The following PLA2G4D variants were observed in gnomAD, a reference collection of about 807,000 sequenced individuals.
PLA2G4D encodes the protein phospholipase A2 group IVD.
PLA2G4D carries 80 observed loss-of-function variants against 94.4 expected under a neutral mutation model. That is an observed-to-expected ratio of 0.85 (90% CI 0.71 to 1.02). The LOEUF (loss-of-function observed/expected upper bound fraction) is 1.02, where lower values mean the gene tolerates loss of function less well. Ranked by LOEUF, PLA2G4D falls within the 50% of genes least tolerant of loss-of-function variation. The pLI, the probability that PLA2G4D is intolerant of heterozygous loss-of-function variation, is 0.00. For missense variants in PLA2G4D, 1,050 were observed against 1,034.7 expected (o/e 1.01, Z -0.20); for synonymous variants, 438 against 440.9 (o/e 0.99, Z 0.08).
At chr15:42,074,213 C>A (rs970566525) in intron 13 of PLA2G4D, among the ~76,000 whole-genome samples, 1 of 152,232 alleles carries the variant, frequency 6.6e-6, no homozygotes, top group African/African-American at 2.4e-5. Flanking sequence ...TGAAACCCAC[C>A]CGGTATATCT....
At chr15:42,081,865 C>A (rs778982845) in intron 9 of PLA2G4D, 31 bp from the exon 10 acceptor site, 6 of 1,613,790 alleles carry the variant, frequency 3.7e-6, no homozygotes, top group Non-Finnish European at 5.1e-6. Flanking sequence ...TCTGCTCAGA[C>A]CCTCCTAGAC....
chr15:42,074,984 G>C (rs1355130737), intron 13 of PLA2G4D, among the ~76,000 whole-genome samples: 2 of 152,088 alleles, frequency 1.3e-5, no homozygotes, highest in African/African-American at 4.8e-5. Flanking sequence ...AATGCAGTGG[G>C]GTGATTACAA....
rs1254327941 is a variant in PLA2G4D, at chr15:42,079,724, G to A, written c.1130C>T (p.Ser377Leu). The A allele has an allele frequency of 1.9e-6, 3 of 1,607,756 alleles. No homozygotes were observed. The highest frequency in any genetic ancestry group is 1.7e-5 in the Admixed American group (1 of 58,644). The part of the protein sequence containing the change: ...MAHLYGDPEW[S>L]QRDLEGPIRY... ...GATAGGTCCCTCCAGGTCCCTCTGC[G>A]ACCACTCAGGGTCCCCGTACAGGTG... The change falls in exon 13 of 20, where the codon TCG (serine) becomes TTG (leucine). Residue 377 changes from serine (S) to leucine (L), a missense_variant. Coordinates refer to ENST00000290472, the MANE Select transcript of PLA2G4D (RefSeq NM_178034.4).
intron 15 of PLA2G4D, 107 bp downstream of exon 15, chr15:42,071,667 C>T: frequency 7.7e-7 from 1 of 1,301,040 alleles, no homozygotes; most frequent in Non-Finnish European, 1.1e-6. Flanking sequence ...CCCCCCGCCA[C>T]CCCTCCCCCT....
Position 42,084,477 on chromosome 15 carries a change from G to A in PLA2G4D, c.471+619C>T, listed in dbSNP as rs1890101706. ...TAAATGCTGGGCTCTAGGTGCCTTCGCCCGTGACCCTGGACCCGCCTGCTC... is the reference window on the plus strand; with the variant it reads ...TAAATGCTGGGCTCTAGGTGCCTTCACCCGTGACCCTGGACCCGCCTGCTC... On this transcript the variant is annotated intron_variant, in intron 6 of 19. Coordinates refer to ENST00000290472, the MANE Select transcript of PLA2G4D (RefSeq NM_178034.4). This position sits in a 1 kb window ranked among gnomAD's most constrained non-coding sequence, Gnocchi z 4.8. 6.6e-6 allele frequency among the ~76,000 whole-genome samples: 1 copy of A among 152,168 alleles called. No individual in the cohort carries two copies. The highest frequency in any genetic ancestry group is 2.1e-4 in the South Asian group (1 of 4,834).
intron 13 of PLA2G4D, among the ~76,000 whole-genome samples, chr15:42,073,175 G>T (rs1668576): frequency 0.3 from 45,486 of 151,850 alleles, 6,991 homozygotes; most frequent in South Asian, 0.38. Flanking sequence ...ATTTTTGCAT[G>T]TTTTGTAGAG....
At chr15:42,085,462 C>A (rs1890123314) in intron 5 of PLA2G4D, 29 bp downstream of exon 5, 1 of 1,613,252 alleles carries the variant, frequency 6.2e-7, no homozygotes, top group Non-Finnish European at 8.5e-7. Context: ...AGTCCTGAGA[C>A]ACTCCCTGGG....
At chr15:42,089,072 A>G (rs955514655) in intron 1 of PLA2G4D, among the ~76,000 whole-genome samples, 8 of 152,178 alleles carry the variant, frequency 5.3e-5, no homozygotes, top group Non-Finnish European at 1.0e-4. Context: ...CTCAGACCCT[A>G]TGTCCCTTCA....
intron 13 of PLA2G4D, among the ~76,000 whole-genome samples, chr15:42,072,893 C>T (rs924249459): frequency 1.5e-4 from 23 of 152,182 alleles, no homozygotes; most frequent in Admixed American, 5.9e-4. Context: ...CCTTGCCTCC[C>T]CCTCATCGTC....
In PLA2G4D at chr15:42,079,726, C is replaced by G. The variant is rs147588006; in HGVS notation, c.1128G>C (p.Trp376Cys). Residue 376 changes from tryptophan to cysteine, a missense_variant, in exon 13 of 20, where the codon TGG (tryptophan) becomes TGC (cysteine). By Grantham distance (215) the Trp-to-Cys change is radical. Coordinates refer to ENST00000290472, the MANE Select transcript of PLA2G4D (RefSeq NM_178034.4). The stretch of plus-strand genomic sequence containing the variant: ...TAGGTCCCTCCAGGTCCCTCTGCGA[C>G]CACTCAGGGTCCCCGTACAGGTGGG... Reference protein sequence around the residue: ...TMAHLYGDPEWSQRDLEGPIR... With the variant: ...TMAHLYGDPECSQRDLEGPIR... The G allele has an allele frequency of 6.8e-5, 109 of 1,607,534 alleles. No individual in the cohort carries two copies. The highest frequency in any genetic ancestry group is 9.2e-5 in the Non-Finnish European group (108 of 1,177,754).
intron 13 of PLA2G4D, among the ~76,000 whole-genome samples, chr15:42,078,818 T>A (rs1276733263): frequency 6.6e-6 from 1 of 151,946 alleles, no homozygotes; most frequent in East Asian, 1.9e-4. Context: ...TTTGTTCAGA[T>A]AGTTATGTGT....
intron 12 of PLA2G4D, 52 bp from the exon 13 acceptor site, chr15:42,079,811 G>T: frequency 6.5e-7 from 1 of 1,531,148 alleles, no homozygotes; most frequent in African/African-American, 1.4e-5. Context: ...AGCATGGGGC[G>T]CTGCAACTCC....
chr15:42,081,829 T>G lies in PLA2G4D; in HGVS notation c.789A>C (p.Pro263=). The change falls in exon 10 of 20, where the codon CCA becomes CCC. Residue 263 remains proline, a synonymous_variant. Transcript: ENST00000290472. ...CTGCCTTGAGCTGCAGCCTCACTCC[T>G]GGGGCCTGAAATCAAAGCCAGAGAC... ...VTMDVPAPNA[P]GVRLQLKAEG... The G allele has an allele frequency of 6.2e-7, 1 of 1,613,774 alleles. No individual in the cohort carries two copies.
rs748326638 is a variant in PLA2G4D, at chr15:42,067,977, C to G, written c.*738G>C. 1 of 152,148 alleles carries G rather than the reference C, an allele frequency of 6.6e-6. No individual in the cohort carries two copies. Among genetic ancestry groups the G allele is most frequent in the African/African-American group, 2.4e-5 (1 of 41,398 alleles). 9.4% of individuals were successfully genotyped at this position (152,148 alleles called of 1,614,324 possible). A position where few individuals can be genotyped will look rare whatever the true frequency, so the allele number is the denominator to read the frequency against. On this transcript the variant is annotated 3_prime_UTR_variant, in exon 20 of 20. Transcript: ENST00000290472. ...TTGGGAAAAATAAATAAAAGGCATT[C>G]AGATCAGACAGGAAGAAGTAAAACC...
chr15:42,073,010 T>C (rs924934207), intron 13 of PLA2G4D, among the ~76,000 whole-genome samples: 4 of 152,196 alleles, frequency 2.6e-5, no homozygotes, highest in Non-Finnish European at 5.9e-5. Flanking sequence ...GCCTTTGTTT[T>C]ATTTTATTTT....
Position 42,070,110 on chromosome 15 carries a change from G to C in PLA2G4D, c.2044-15C>G. 2.0e-6 allele frequency: 3 copies of C among 1,483,348 alleles called. No homozygotes were observed. The highest frequency in any genetic ancestry group is 2.7e-6 in the Non-Finnish European group (3 of 1,123,084). The allele number at this position is 1,483,348 out of a possible 1,614,324, so 91.9% of individuals were successfully genotyped here. On this transcript the variant is annotated splice_polypyrimidine_tract_variant and intron_variant, in intron 18 of 19. Coordinates refer to ENST00000290472, the MANE Select transcript of PLA2G4D (RefSeq NM_178034.4). ...TGCTGCAGTGCCTGGTGGGGAGAAGGTGGCCCGGAGAGAACCAGCCCGGCC... is the reference window on the plus strand; with the variant it reads ...TGCTGCAGTGCCTGGTGGGGAGAAGCTGGCCCGGAGAGAACCAGCCCGGCC...
At chr15:42,080,331 T>G (rs1890013439) in intron 12 of PLA2G4D, among the ~76,000 whole-genome samples, 1 of 152,126 alleles carries the variant, frequency 6.6e-6, no homozygotes, top group Non-Finnish European at 1.5e-5. Flanking sequence ...TTTCCTCTTC[T>G]TTTACTCCTC....
intron 16 of PLA2G4D, 22 bp from the exon 17 acceptor site, chr15:42,071,339 T>G (rs199585757): frequency 1.1e-4 from 169 of 1,571,588 alleles, no homozygotes; most frequent in Admixed American, 4.6e-4. Flanking sequence ...GAAACAGAAA[T>G]TGGTCCCTTC....
chr15:42,083,262 G>A lies in PLA2G4D; in HGVS notation c.608C>T (p.Thr203Ile), dbSNP rs1479510002. The A allele has an allele frequency of 5.6e-6, 9 of 1,614,044 alleles. No individual in the cohort carries two copies. Among genetic ancestry groups the A allele is most frequent in the Non-Finnish European group, 6.8e-6 (8 of 1,180,016 alleles). ...GTAGTGGAAGCGGAAGGCAGAGGCT[G>A]TGCCCAGGAAGGATGTCTGTGTGTC... ...YEDTQTSFLG[T>I]ASAFRFHYMA... is the part of the protein sequence containing the mutation. The change falls in exon 8 of 20, where the codon ACA becomes ATA. Residue 203 changes from threonine to isoleucine, a missense_variant. By Grantham distance (89) the Thr-to-Ile change is moderately conservative. Coordinates refer to ENST00000290472, the MANE Select transcript of PLA2G4D (RefSeq NM_178034.4).
Sources: allele counts gnomAD v4.1 joint callset (sites outside exome capture counted in the v4.1 genomes callset), GRCh38; gene constraint gnomAD v4.1.1; non-coding constraint Gnocchi (gnomAD v3.1); transcripts MANE v1.5; gene names NCBI Gene and HGNC (gene_info 2026-07-23, HGNC 2026-07-21).